RAI14: variants seen among roughly 807,000 people sequenced by gnomAD.
RAI14 encodes retinoic acid induced 14, also known as ankycorbin.
A neutral mutation model predicts 115.4 loss-of-function variants in RAI14; 45 were observed. The ratio of observed to expected loss-of-function variants is 0.39; its 90% CI spans 0.31 to 0.50. The LOEUF is 0.50. Ranked by LOEUF, RAI14 falls within the 20% of genes least tolerant of loss-of-function variation. The pLI is 0.85. For missense variants in RAI14, 939 were observed against 1,131.2 expected (o/e 0.83, Z 2.44); for synonymous variants, 371 against 415.4 (o/e 0.89, Z 1.30).
At chr5:34,800,566 T>C (rs1042032234) in intron 4 of RAI14, among the ~76,000 whole-genome samples, 1 of 152,214 alleles carries the variant, frequency 6.6e-6, no homozygotes, top group Non-Finnish European at 1.5e-5. Context: ...GACATCTTAC[T>C]TCAGTGTTAT....
At chr5:34,799,966 C>T (rs1460058681) in intron 4 of RAI14, among the ~76,000 whole-genome samples, 1 of 152,152 alleles carries the variant, frequency 6.6e-6, no homozygotes, top group Non-Finnish European at 1.5e-5. Flanking sequence ...GGATTACAGG[C>T]GTGAGCCACC....
intron 7 of RAI14, among the ~76,000 whole-genome samples, chr5:34,809,448 C>T (rs945257201): frequency 3.1e-4 from 47 of 152,082 alleles, no homozygotes; most frequent in African/African-American, 9.9e-4. Flanking sequence ...TTGATGAATC[C>T]GATTTTTCTG....
chr5:34,794,435 A>G (rs1041134638), intron 3 of RAI14, among the ~76,000 whole-genome samples: 1 of 152,230 alleles, frequency 6.6e-6, no homozygotes, highest in Non-Finnish European at 1.5e-5. Context: ...AAAATATTCA[A>G]AAACAAAAAA....
At chr5:34,828,422 C>A (rs35561499) in intron 16 of RAI14, among the ~76,000 whole-genome samples, 134,131 of 152,114 alleles carry the variant, frequency 0.88, 59,396 homozygotes, top group African/African-American at 0.92. Flanking sequence ...AGAAAGGAAG[C>A]CAGATCAGAA....
chr5:34,740,342 C>T (rs1477901245), intron 2 of RAI14, among the ~76,000 whole-genome samples: 2 of 152,176 alleles, frequency 1.3e-5, no homozygotes, highest in African/African-American at 2.4e-5. Flanking sequence ...CGCTAGAGTT[C>T]CAGTATTACT....
At chr5:34,712,092 C>T (rs1741468315) in intron 2 of RAI14, among the ~76,000 whole-genome samples, 1 of 152,182 alleles carries the variant, frequency 6.6e-6, no homozygotes, top group South Asian at 2.1e-4. Flanking sequence ...GCTGACTCCT[C>T]TAAGCCTCTC....
intron 2 of RAI14, among the ~76,000 whole-genome samples, chr5:34,734,257 G>C (rs1744572499): frequency 6.6e-6 from 1 of 152,194 alleles, no homozygotes; most frequent in South Asian, 2.1e-4. Flanking sequence ...GGGGGGGCTG[G>C]GGTGCCTGAA....
intron 2 of RAI14, among the ~76,000 whole-genome samples, chr5:34,749,062 G>A (rs1284874387): frequency 6.6e-6 from 1 of 152,124 alleles, no homozygotes; most frequent in Non-Finnish European, 1.5e-5. Flanking sequence ...AAAATGATGA[G>A]GTGTGCGCAA....
intron 13 of RAI14, among the ~76,000 whole-genome samples, chr5:34,819,706 G>A (rs1756629603): frequency 6.6e-6 from 1 of 152,170 alleles, no homozygotes; most frequent in African/African-American, 2.4e-5. Flanking sequence ...TTAATCTGTT[G>A]TGTATTTCAT....
chr5:34,719,278 T>C (rs563743660), intron 2 of RAI14, among the ~76,000 whole-genome samples: 1 of 152,332 alleles, frequency 6.6e-6, no homozygotes, highest in South Asian at 2.1e-4. Flanking sequence ...TCTCACAGCA[T>C]GGTGGCTGGG....
At chr5:34,709,056 G>C (rs1182433714) in intron 2 of RAI14, among the ~76,000 whole-genome samples, 1 of 149,448 alleles carries the variant, frequency 6.7e-6, no homozygotes, top group Non-Finnish European at 1.5e-5. Context: ...CTTGAGCCCA[G>C]GAATTTGAGG....
At position 34,690,589 on chromosome 5, in the gene RAI14, G is replaced by A. The variant is rs144799815; in HGVS notation, c.36+3634G>A. Among the ~76,000 whole-genome samples, 287 of 152,310 alleles carry A rather than the reference G, an allele frequency of 1.9e-3. 1 individual carries two copies. Among genetic ancestry groups the A allele is most frequent in the African/African-American group, 6.4e-3 (268 of 41,574 alleles). ...TCACTTGGGTAAAGATTGAATGGGA[G>A]TGTCGTTTCCGGAAGACTTGACAAC... On this transcript the variant is annotated intron_variant, in intron 2 of 17. Coordinates refer to ENST00000265109, the MANE Select transcript of RAI14 (RefSeq NM_015577.3).
intron 2 of RAI14, among the ~76,000 whole-genome samples, chr5:34,724,081 A>G (rs2150003904): frequency 6.6e-6 from 1 of 152,270 alleles, no homozygotes; most frequent in East Asian, 1.9e-4. Context: ...CGGTGGCGCA[A>G]TCTCGGCTCA....
chr5:34,665,053 ATG>A (rs1226741038), intron 1 of RAI14, among the ~76,000 whole-genome samples: 5 of 34,468 alleles, frequency 1.5e-4, no homozygotes, highest in African/African-American at 4.3e-4. Flanking sequence ...GTGTATATAT[ATG>A]TGTATATATA....
In RAI14 at chr5:34,807,851, T is replaced by C. The variant is rs754745101; in HGVS notation, c.373T>C (p.Tyr125His). ...VDSSGKTALHYAAAQGCLQAV... is the reference protein window; with the variant it reads ...VDSSGKTALHHAAAQGCLQAV... The stretch of plus-strand genomic sequence containing the variant: ...CAGCTCTGGGAAAACAGCTTTACAT[T>C]ATGCAGGTAACTTTCATTCTCCTAT... Residue 125 changes from tyrosine (Y) to histidine (H), a missense_variant, in exon 6 of 18, where the codon TAT becomes CAT. Coordinates refer to ENST00000265109, the MANE Select transcript of RAI14 (RefSeq NM_015577.3). 1.2e-4 allele frequency: 187 copies of C among 1,610,728 alleles called. 2 individuals are homozygous for C. The East Asian group carries it at 4.1e-3, about 35-fold the overall frequency.
At chr5:34,668,771 G>A (rs936031504) in intron 1 of RAI14, among the ~76,000 whole-genome samples, 8 of 151,994 alleles carry the variant, frequency 5.3e-5, no homozygotes, top group Non-Finnish European at 1.0e-4. Flanking sequence ...TTCTTGGAGT[G>A]TGTTTTTTGA....
chr5:34,697,134 A>AAAT (rs1435521583), intron 2 of RAI14, among the ~76,000 whole-genome samples: 3 of 147,250 alleles, frequency 2.0e-5, no homozygotes, highest in East Asian at 2.1e-4. Context: ...CCATCTCAAA[A>AAAT]AATAATAATA....
chr5:34,701,335 T>G (rs1003752939), intron 2 of RAI14, among the ~76,000 whole-genome samples: 1 of 152,224 alleles, frequency 6.6e-6, no homozygotes, highest in Non-Finnish European at 1.5e-5. Context: ...GGGGAAAATG[T>G]GCATCTGTAA....
intron 1 of RAI14, among the ~76,000 whole-genome samples, chr5:34,677,118 G>A (rs995707162): frequency 9.5e-5 from 10 of 104,834 alleles, no homozygotes; most frequent in African/African-American, 3.8e-4. Context: ...TAATTGTGAG[G>A]TTAGTATATT....
Sources: gnomAD v4.1 joint callset for allele counts (sites outside exome capture counted in the v4.1 genomes callset) on GRCh38, gnomAD v4.1.1 for gene constraint, MANE v1.5 for transcripts, NCBI Gene and HGNC (gene_info 2026-07-23, HGNC 2026-07-21) for gene names.